The following SIAE variants were observed in gnomAD, a reference collection of about 807,000 sequenced individuals.
SIAE encodes the protein sialate O-acetylesterase.
SIAE carries 39 observed loss-of-function variants against 52.6 expected under a neutral mutation model. That is an observed-to-expected ratio of 0.74 (90% CI 0.57 to 0.97). The LOEUF is 0.97. Ranked by LOEUF, SIAE falls within the 50% of genes least tolerant of loss-of-function variation. SIAE has a pLI of 0.00. For missense variants in SIAE, 592 were observed against 662.1 expected (o/e 0.89, Z 1.16); for synonymous variants, 233 against 241.4 (o/e 0.97, Z 0.32).
rs773135214 is a variant in SIAE at position 124,654,822 on chromosome 11, C to T, written c.406-29G>A. On this transcript the variant is annotated intron_variant, in intron 3 of 9. Coordinates refer to ENST00000263593, the MANE Select transcript of SIAE (RefSeq NM_170601.5). ...GAAAAGAAATTGAAACGTCATTTAA[C>T]CTAGCAGGTGGTGAACTAGCCTGAC... The T allele has an allele frequency of 5.0e-6, 8 of 1,612,190 alleles. No homozygotes were observed. In the Admixed American group the frequency reaches 1.3e-4, roughly 27 times the overall value.
upstream of SIAE, chr11:124,673,854 T>G: frequency 2.8e-6 from 2 of 716,640 alleles, no homozygotes; most frequent in Non-Finnish European, 4.3e-6. Flanking sequence ...TCGCCCCTTC[T>G]CGGCCGCCGT....
intron 7 of SIAE, among the ~76,000 whole-genome samples, chr11:124,641,316 C>A (rs1487174112): frequency 6.6e-6 from 1 of 152,116 alleles, no homozygotes; most frequent in Admixed American, 6.5e-5. Flanking sequence ...CAGTACTGCT[C>A]ACACTTCACA....
In SIAE at chr11:124,649,626, T is replaced by A. The variant is rs756776067; in HGVS notation, c.715A>T (p.Lys239Ter). ...TGGAGAATGCTGTCTTACCCTTGTT[T>A]AGGGACCCCACAGGCTTTCAGTGAC... The part of the protein sequence containing the change: ...GRSLKACGVP[K>*]QGSIPYDSVT... The change falls in exon 5 of 10, where the codon AAA (lysine) becomes TAA (stop). Residue 239 changes from lysine to a stop codon, truncating the protein, a stop_gained. Coordinates refer to ENST00000263593, the MANE Select transcript of SIAE (RefSeq NM_170601.5). LOFTEE classifies it high-confidence loss of function. 6 of 1,613,962 alleles carry A rather than the reference T, an allele frequency of 3.7e-6. No individual in the cohort carries two copies. The Admixed American group carries it at 1.0e-4, about 27-fold the overall frequency.
intron 7 of SIAE, 50 bp from the exon 8 acceptor site, chr11:124,639,917 G>C: frequency 6.2e-7 from 1 of 1,603,936 alleles, no homozygotes; most frequent in Non-Finnish European, 8.5e-7. Context: ...TCCCACACTG[G>C]AGTCTTTTTC....
Position 124,649,849 on chromosome 11 carries a change from A to G in SIAE, c.545-53T>C, listed in dbSNP as rs918430803. Reference sequence around the variant, plus strand: ...GAGCCAGAGAAAGGTTGATGGATACAAACTGCAGCTGCTAGGTGGGTCGAG... The same window carrying G: ...GAGCCAGAGAAAGGTTGATGGATACGAACTGCAGCTGCTAGGTGGGTCGAG... On this transcript the variant is annotated intron_variant, in intron 4 of 9. Coordinates refer to ENST00000263593, the MANE Select transcript of SIAE (RefSeq NM_170601.5). The G allele has an allele frequency of 1.2e-5, 19 of 1,592,108 alleles. No individual in the cohort carries two copies. In the Admixed American group the frequency reaches 1.5e-4, roughly 13 times the overall value.
intron 7 of SIAE, among the ~76,000 whole-genome samples, chr11:124,646,297 G>A (rs753143244): frequency 6.6e-6 from 1 of 152,176 alleles, no homozygotes; most frequent in Non-Finnish European, 1.5e-5. Flanking sequence ...TTTAACGAGT[G>A]CCAATCAACT....
chr11:124,644,706 T>C (rs1353100189), intron 7 of SIAE, among the ~76,000 whole-genome samples: 1 of 152,126 alleles, frequency 6.6e-6, no homozygotes, highest in Non-Finnish European at 1.5e-5. Flanking sequence ...CAACTGTTCC[T>C]CCAAATCCCT....
chr11:124,636,833 C>T lies in SIAE; in HGVS notation c.*118G>A, dbSNP rs186498017. The T allele has an allele frequency of 2.2e-3, 3,055 of 1,416,394 alleles. 16 individuals are homozygous for T. Among genetic ancestry groups the T allele is most frequent in the Middle Eastern group, 8.9e-3 (36 of 4,044 alleles). 87.7% of individuals were successfully genotyped at this position (1,416,394 alleles called of 1,614,324 possible). On this transcript the variant is annotated 3_prime_UTR_variant, in exon 10 of 10. Transcript: ENST00000263593. ...GAAACAGCCATGTGCTAGCTGAAAGCCATTCAATGAGGCTTTCTATTAATT... is the reference window on the plus strand; with the variant it reads ...GAAACAGCCATGTGCTAGCTGAAAGTCATTCAATGAGGCTTTCTATTAATT...
At position 124,638,684 on chromosome 11, in the gene SIAE, C is replaced by T. The variant is rs552372846; in HGVS notation, c.1178G>A (p.Arg393His). ...TVAYRLHLGA[R>H]ALAYGEKNLT... ...ATTCTTCTCACCATAAGCCAGAGCA[C>T]GGGCCCCCAAATGCAGCCGATAAGC... Residue 393 changes from arginine to histidine, a missense_variant, in exon 9 of 10, where the codon CGT becomes CAT. Transcript: ENST00000263593. 2.0e-5 allele frequency: 33 copies of T among 1,613,948 alleles called. No homozygotes were observed. Among genetic ancestry groups the T allele is most frequent in the East Asian group, 6.7e-5 (3 of 44,896 alleles).
At chr11:124,665,867 C>T (rs1943266101) in intron 2 of SIAE, among the ~76,000 whole-genome samples, 1 of 152,036 alleles carries the variant, frequency 6.6e-6, no homozygotes, top group Non-Finnish European at 1.5e-5. Flanking sequence ...TGCATGCCAA[C>T]CAGGGGCAGG....
rs1171649974 is a variant in SIAE at position 124,635,893 on chromosome 11, A to ATTC, written c.*1055_*1057dup. The stretch of plus-strand genomic sequence containing the variant: ...TAATCCATCAGTAAACTGCATTAAG[A>ATTC]TTCTTAATAAACAAACACTGAAGGC... On this transcript the variant is annotated 3_prime_UTR_variant, in exon 10 of 10. Coordinates refer to ENST00000263593, the MANE Select transcript of SIAE (RefSeq NM_170601.5). 6.6e-6 allele frequency: 1 copy of ATTC among 152,200 alleles called. No individual in the cohort carries two copies. Among genetic ancestry groups the ATTC allele is most frequent in the African/African-American group, 2.4e-5 (1 of 41,448 alleles). 9.4% of individuals were successfully genotyped at this position (152,200 alleles called of 1,614,324 possible). A position where few individuals can be genotyped will look rare whatever the true frequency, so the allele number is the denominator to read the frequency against.
chr11:124,652,013 A>T (rs1442839364), intron 4 of SIAE, among the ~76,000 whole-genome samples: 1 of 152,218 alleles, frequency 6.6e-6, no homozygotes, highest in Non-Finnish European at 1.5e-5. Flanking sequence ...AAGAAAAAAT[A>T]CGTGAAAAGG....
At chr11:124,654,000 AACCCC>A (rs1943056824) in intron 4 of SIAE, among the ~76,000 whole-genome samples, 1 of 152,066 alleles carries the variant, frequency 6.6e-6, no homozygotes, top group Admixed American at 6.6e-5. Flanking sequence ...AATATGGTGA[AACCCC>A]ATCTCTACTA....
At chr11:124,647,329 T>C (rs1305208841) in intron 7 of SIAE, 36 bp downstream of exon 7, 1 of 1,613,990 alleles carries the variant, frequency 6.2e-7, no homozygotes, top group Non-Finnish European at 8.5e-7. Context: ...GGAACAGGTG[T>C]TGACATGAAC....
chr11:124,660,285 C>T (rs1383478563), intron 3 of SIAE: 16 of 329,904 alleles, frequency 4.8e-5, no homozygotes, highest in Admixed American at 4.7e-4. Flanking sequence ...AGAGAAACTC[C>T]GTCTCAAAAA....
intron 4 of SIAE, among the ~76,000 whole-genome samples, chr11:124,653,901 G>A (rs1379284058): frequency 6.6e-6 from 1 of 152,206 alleles, no homozygotes; most frequent in African/African-American, 2.4e-5. Flanking sequence ...GAGAGTGGCC[G>A]GGTGCAGTGG....
chr11:124,659,421 T>A (rs571866346), intron 3 of SIAE: 1 of 152,304 alleles, frequency 6.6e-6, no homozygotes, highest in East Asian at 1.9e-4. Flanking sequence ...TTAATAAACA[T>A]TTTAATTCAA....
chr11:124,645,489 C>T lies in SIAE; in HGVS notation c.966+1876G>A, dbSNP rs372074589. ...ACTAATTTTGTATTTTTAGTAGAGA[C>T]GGGGCTTCTCCATGTTGGTCAGGCT... On this transcript the variant is annotated intron_variant, in intron 7 of 9. Coordinates refer to ENST00000263593, the MANE Select transcript of SIAE (RefSeq NM_170601.5). This position sits in a 1 kb window ranked among gnomAD's most constrained non-coding sequence, Gnocchi z 4.7. Among the ~76,000 whole-genome samples the T allele has an allele frequency of 6.6e-6, 1 of 151,932 alleles. No individual in the cohort carries two copies. The highest frequency in any genetic ancestry group is 6.6e-5 in the Admixed American group (1 of 15,250).
At chr11:124,639,413 T>C (rs1386654323) in intron 8 of SIAE, among the ~76,000 whole-genome samples, 1 of 152,242 alleles carries the variant, frequency 6.6e-6, no homozygotes, top group Non-Finnish European at 1.5e-5. Flanking sequence ...CACTTTAAGA[T>C]GACTATGGAA....
Sources: allele counts gnomAD v4.1 joint callset (sites outside exome capture counted in the v4.1 genomes callset), GRCh38; gene constraint gnomAD v4.1.1; non-coding constraint Gnocchi (gnomAD v3.1); transcripts MANE v1.5; gene names NCBI Gene and HGNC (gene_info 2026-07-23, HGNC 2026-07-21).